Variants in SPON1 observed in about 807,000 individuals in gnomAD.
The protein encoded by SPON1 is spondin-1.
In SPON1, 52 loss-of-function variants were observed where a neutral mutation model predicts 111.7. The ratio of observed to expected loss-of-function variants is 0.47; its 90% CI spans 0.37 to 0.59. The LOEUF (loss-of-function observed/expected upper bound fraction) is 0.59, where lower values mean the gene tolerates loss of function less well. Ranked by LOEUF, SPON1 falls within the 20% of genes least tolerant of loss-of-function variation. The probability of loss-of-function intolerance (pLI) is 0.00; values close to 1 mark genes in which losing one functional copy is unlikely to be tolerated. For synonymous variants in SPON1, 410 were observed against 395.8 expected (o/e 1.04, Z -0.43); for missense variants, 957 against 1,068.5 (o/e 0.90, Z 1.46).
intron 1 of SPON1, among the ~76,000 whole-genome samples, chr11:13,980,202 G>A (rs1269898312): frequency 1.3e-5 from 2 of 151,866 alleles, no homozygotes; most frequent in Admixed American, 6.6e-5. Flanking sequence ...CACCATGTCC[G>A]GCTAATTTTT....
intron 5 of SPON1, among the ~76,000 whole-genome samples, chr11:14,115,123 G>A (rs113495578): frequency 0.021 from 3,251 of 152,178 alleles, 113 homozygotes; most frequent in African/African-American, 0.074. Context: ...TCATTTCCCT[G>A]ATACCACCCC....
chr11:14,034,335 A>G (rs1436287971), intron 2 of SPON1, among the ~76,000 whole-genome samples: 1 of 151,238 alleles, frequency 6.6e-6, no homozygotes, highest in Non-Finnish European at 1.5e-5. Flanking sequence ...GAAATGAATG[A>G]CTGCCATTTA....
chr11:14,183,224 G>C lies in SPON1; in HGVS notation c.825+47656G>C, dbSNP rs139911719. On this transcript the variant is annotated intron_variant, in intron 6 of 15. Transcript: ENST00000576479. Reference sequence around the variant, plus strand: ...CAAATTACTTTCTTGTCTAATGTGGGAGCCTTTAATAGCATACTCTTAGGT... The same window carrying C: ...CAAATTACTTTCTTGTCTAATGTGGCAGCCTTTAATAGCATACTCTTAGGT... Among the ~76,000 whole-genome samples the C allele has an allele frequency of 3.1e-3, 471 of 152,204 alleles. 2 individuals carry two copies. Among genetic ancestry groups the C allele is most frequent in the African/African-American group, 0.01 (430 of 41,534 alleles).
At chr11:14,227,710 A>G (rs1848755377) in intron 6 of SPON1, among the ~76,000 whole-genome samples, 1 of 152,240 alleles carries the variant, frequency 6.6e-6, no homozygotes, top group Non-Finnish European at 1.5e-5. Flanking sequence ...CAGGCCTGTA[A>G]GGTAGATTAT....
chr11:14,141,021 GC>G (rs541380689), intron 6 of SPON1, among the ~76,000 whole-genome samples: 7 of 114,692 alleles, frequency 6.1e-5, no homozygotes, highest in African/African-American at 1.2e-4. Flanking sequence ...ATGCAGGCGT[GC>G]CCCCCCCATG....
intron 6 of SPON1, among the ~76,000 whole-genome samples, chr11:14,154,980 G>A (rs539323159): frequency 3.3e-5 from 5 of 152,104 alleles, no homozygotes; most frequent in East Asian, 1.9e-4. Context: ...ACACAATGCC[G>A]CCAGTCTCTT....
intron 5 of SPON1, among the ~76,000 whole-genome samples, chr11:14,104,923 T>C (rs1477713791): frequency 6.6e-6 from 1 of 152,154 alleles, no homozygotes; most frequent in Non-Finnish European, 1.5e-5. Flanking sequence ...GGTATGTACA[T>C]GGTTTTTTCA....
chr11:14,160,605 A>T (rs1263190156), intron 6 of SPON1, among the ~76,000 whole-genome samples: 1 of 31,318 alleles, frequency 3.2e-5, no homozygotes, highest in Non-Finnish European at 5.3e-5. Context: ...ATTTATATAT[A>T]TTTATATATA....
chr11:14,212,013 G>A (rs1848581869), intron 6 of SPON1, among the ~76,000 whole-genome samples: 1 of 151,924 alleles, frequency 6.6e-6, no homozygotes, highest in Non-Finnish European at 1.5e-5. Context: ...TCAAGTTAAG[G>A]TAGTAAATAG....
At chr11:14,241,938 G>A (rs1409597131) in intron 6 of SPON1, among the ~76,000 whole-genome samples, 1 of 152,078 alleles carries the variant, frequency 6.6e-6, no homozygotes, top group East Asian at 1.9e-4. Context: ...CGGGGAGCCT[G>A]AGCCTAGGAG....
intron 6 of SPON1, among the ~76,000 whole-genome samples, chr11:14,224,335 T>A (rs1331738471): frequency 6.6e-6 from 1 of 152,104 alleles, no homozygotes; most frequent in Non-Finnish European, 1.5e-5. Flanking sequence ...AACCAAGCGG[T>A]CAGGAAAGCC....
chr11:14,066,615 C>T (rs1848834472), intron 3 of SPON1, among the ~76,000 whole-genome samples: 2 of 152,274 alleles, frequency 1.3e-5, no homozygotes, highest in Admixed American at 1.3e-4. Flanking sequence ...CTGAGCTTCA[C>T]CTTACAGGCA....
intron 5 of SPON1, among the ~76,000 whole-genome samples, chr11:14,119,749 T>C (rs1321031390): frequency 6.6e-6 from 1 of 152,118 alleles, no homozygotes; most frequent in Non-Finnish European, 1.5e-5. Context: ...TCCCCCGTCG[T>C]CAGTAGAGTC....
chr11:13,964,056 G>A (rs1554907807), intron 1 of SPON1, among the ~76,000 whole-genome samples: 1 of 152,168 alleles, frequency 6.6e-6, no homozygotes, highest in Non-Finnish European at 1.5e-5. Context: ...CCTCCTAGGC[G>A]GGACAGGCAG....
chr11:13,983,088 G>T, intron 2 of SPON1, 135 bp downstream of exon 2: 1 of 628,964 alleles, frequency 1.6e-6, no homozygotes. Flanking sequence ...CATTTGAAAG[G>T]GTCATCATGG....
chr11:14,233,802 G>A (rs543772475), intron 6 of SPON1, among the ~76,000 whole-genome samples: 9 of 129,184 alleles, frequency 7.0e-5, no homozygotes, highest in East Asian at 2.3e-4. Flanking sequence ...TGCCCTCGTC[G>A]CCCAGTCTGG....
At chr11:14,066,054 A>C (rs1554920333) in intron 3 of SPON1, among the ~76,000 whole-genome samples, 2 of 152,210 alleles carry the variant, frequency 1.3e-5, no homozygotes, top group Non-Finnish European at 2.9e-5. Context: ...CCAGCTAAAC[A>C]ATGTCATAGA....
intron 6 of SPON1, among the ~76,000 whole-genome samples, chr11:14,167,788 T>A (rs1848047899): frequency 6.6e-6 from 1 of 152,176 alleles, no homozygotes; most frequent in Admixed American, 6.5e-5. Context: ...ATCAGTATGA[T>A]TTTAATGTGT....
At chr11:14,216,665 G>A (rs1848629765) in intron 6 of SPON1, among the ~76,000 whole-genome samples, 1 of 152,114 alleles carries the variant, frequency 6.6e-6, no homozygotes, top group African/African-American at 2.4e-5. Context: ...GAGGCACCAG[G>A]GGCTGAACTT....
Sources: allele counts gnomAD v4.1 joint callset (sites outside exome capture counted in the v4.1 genomes callset), GRCh38; gene constraint gnomAD v4.1.1; transcripts MANE v1.5; gene names NCBI Gene and HGNC (gene_info 2026-07-23, HGNC 2026-07-21).